Variants in ACOX1 observed in about 807,000 individuals in gnomAD.
ACOX1 encodes the protein acyl-CoA oxidase 1.
In ACOX1, 41 loss-of-function variants were observed where a neutral mutation model predicts 75.5. The ratio of observed to expected loss-of-function variants is 0.54; its 90% CI spans 0.42 to 0.70. The LOEUF (loss-of-function observed/expected upper bound fraction) is 0.70, where lower values mean the gene tolerates loss of function less well. ACOX1 is among the 30% of genes least tolerant of loss of function. The pLI, the probability that ACOX1 is intolerant of heterozygous loss-of-function variation, is 0.00. For missense variants in ACOX1, 630 were observed against 837.5 expected, an observed-to-expected ratio of 0.75 and a Z score of 3.06; for synonymous variants, 303 against 298.8, an observed-to-expected ratio of 1.01 and a Z score of -0.15.
At chr17:75,956,958 T>C (rs2065834362) in intron 4 of ACOX1, among the ~76,000 whole-genome samples, 1 of 27,622 alleles carries the variant, frequency 3.6e-5, no homozygotes, top group Non-Finnish European at 5.5e-5. Flanking sequence ...TCTCTCTCTC[T>C]CTCTCTCTCT....
chr17:75,958,709 G>A (rs897901834), intron 3 of ACOX1, among the ~76,000 whole-genome samples: 5 of 151,602 alleles, frequency 3.3e-5, no homozygotes, highest in Non-Finnish European at 5.9e-5. Context: ...TCGGGAGGCT[G>A]AGGCAGGAGA....
Position 75,953,438 on chromosome 17 carries a change from A to AC in ACOX1, c.944+12dup, listed in dbSNP as rs781074728. On this transcript the variant is annotated intron_variant, in intron 7 of 13. Coordinates refer to ENST00000293217, the MANE Select transcript of ACOX1 (RefSeq NM_004035.7). ...GCCTTTGGTACTGAGCCCATCTAGG[A>AC]CCCTATCCTTACCCTGGCTTGATTT... 1 of 1,613,216 alleles carries AC rather than the reference A, an allele frequency of 6.2e-7. No homozygotes were observed. The highest frequency in any genetic ancestry group is 1.7e-5 in the Admixed American group (1 of 59,962).
At chr17:75,976,641 C>T (rs1487913671) in intron 2 of ACOX1, among the ~76,000 whole-genome samples, 1 of 152,004 alleles carries the variant, frequency 6.6e-6, no homozygotes, top group Non-Finnish European at 1.5e-5. Context: ...AAAATTTTTT[C>T]GTTTAAAACT....
Position 75,979,161 on chromosome 17 carries a change from G to A in ACOX1, c.-88C>T. Reference sequence around the variant, plus strand: ...CAGCTCCAGCGCCGGCCGGACCCTAGGAGGCAGCCTCAGGACGGCGCAAGT... The same window carrying A: ...CAGCTCCAGCGCCGGCCGGACCCTAAGAGGCAGCCTCAGGACGGCGCAAGT... On this transcript the variant is annotated 5_prime_UTR_variant, in exon 1 of 14. Transcript: ENST00000293217. 1.3e-6 allele frequency: 2 copies of A among 1,538,742 alleles called. No individual in the cohort carries two copies. Among genetic ancestry groups the A allele is most frequent in the African/African-American group, 2.7e-5 (2 of 73,298 alleles).
rs369533136 is a variant in ACOX1, at chr17:75,949,743, C to T, written c.1453G>A (p.Glu485Lys). ...VDINSPESLT[E>K]AYKLRAARLV... is the part of the protein sequence containing the mutation. The stretch of plus-strand genomic sequence containing the variant: ...CTGGCTGCACGGAGTTTATATGCTT[C>T]GGTTAGGCTTTCGGGGCTGTTGATA... The change falls in exon 10 of 14, where the codon GAA becomes AAA. Residue 485 changes from glutamate to lysine, a missense_variant. By Grantham distance (56) the Glu-to-Lys change is moderately conservative (BLOSUM62 1). Transcript: ENST00000293217. The T allele has an allele frequency of 2.8e-5, 45 of 1,614,024 alleles. No homozygotes were observed. The highest frequency in any genetic ancestry group is 3.3e-4 in the Middle Eastern group (2 of 6,084).
At chr17:75,961,266 C>T (rs1249814690) in intron 2 of ACOX1, among the ~76,000 whole-genome samples, 1 of 147,788 alleles carries the variant, frequency 6.8e-6, no homozygotes, top group Non-Finnish European at 1.5e-5. Context: ...GCATTCTAGC[C>T]TGGGCGACAC....
At chr17:75,949,148 C>A (rs2065749819) in intron 12 of ACOX1, 69 bp downstream of exon 12, 1 of 1,587,744 alleles carries the variant, frequency 6.3e-7, no homozygotes, top group African/African-American at 1.3e-5. Context: ...GCATGAGCCA[C>A]CGTGCCCAGC....
chr17:75,955,937 A>C lies in ACOX1; in HGVS notation c.549T>G (p.Thr183=). The C allele has an allele frequency of 6.2e-7, 1 of 1,610,834 alleles. No homozygotes were observed. The highest frequency in any genetic ancestry group is 8.5e-7 in the Non-Finnish European group (1 of 1,177,538). Residue 183 remains threonine (T), a synonymous_variant, in exon 5 of 14, where the codon ACT becomes ACG. Transcript: ENST00000293217. ...IKWWPGGLGK[T]SNHAIVLAQL... ...GGGCAAGAACTATTGCATGATTTGA[A>C]GTCTTTCCAACTGTAATATCAAAGA...
rs565941771 is a variant in ACOX1 at position 75,953,430 on chromosome 17, C to A, written c.944+21G>T. 16 of 1,612,516 alleles carry A rather than the reference C, an allele frequency of 9.9e-6. No individual in the cohort carries two copies. The Admixed American group carries it at 2.3e-4, about 24-fold the overall frequency. ...AAAACTAGGCCTTTGGTACTGAGCC[C>A]ATCTAGGACCCTATCCTTACCCTGG... On this transcript the variant is annotated intron_variant, in intron 7 of 13. Transcript: ENST00000293217.
At chr17:75,976,716 CA>C (rs1172143437) in intron 2 of ACOX1, among the ~76,000 whole-genome samples, 2 of 152,074 alleles carry the variant, frequency 1.3e-5, no homozygotes, top group Non-Finnish European at 2.9e-5. Context: ...AAAAATAACC[CA>C]AGTCAAGCTG....
rs1410677049 is a variant in ACOX1 at position 75,941,947 on chromosome 17, A to G, written c.*4801T>C. 1 of 152,192 alleles carries G rather than the reference A, an allele frequency of 6.6e-6. No homozygotes were observed. The highest frequency in any genetic ancestry group is 1.5e-5 in the Non-Finnish European group (1 of 68,032). 9.4% of individuals were successfully genotyped at this position (152,192 alleles called of 1,614,324 possible). A position where few individuals can be genotyped will look rare whatever the true frequency, so the allele number is the denominator to read the frequency against. ...TGGTTCAGAATTCTAAAAAATCCCG[A>G]ATTTTCCATGATCTTCCCAAGACAA... is the stretch of plus-strand genomic sequence containing the variant. On this transcript the variant is annotated 3_prime_UTR_variant, in exon 14 of 14. Transcript: ENST00000293217.
In ACOX1 at chr17:75,979,019, G is replaced by A. The variant is rs1295707240; in HGVS notation, c.55C>T (p.Leu19Phe). 6.2e-7 allele frequency: 1 copy of A among 1,612,364 alleles called. No homozygotes were observed. Among genetic ancestry groups the A allele is most frequent in the Non-Finnish European group, 8.5e-7 (1 of 1,180,012 alleles). The change falls in exon 1 of 14, where the codon CTT (leucine) becomes TTT (phenylalanine). Residue 19 changes from leucine to phenylalanine, a missense_variant. By Grantham distance (22) the Leu-to-Phe change is conservative (BLOSUM62 0). This residue lies in a region of ACOX1 where 390 missense variants were observed against 574.9 expected (regional missense o/e 0.68). Transcript: ENST00000293217. ...GGGCTGCCGTCCAGGATGTGTGTAA[G>A]CAGCTCCGGGTTGAAGCTGGCGGAA... ...RDSASFNPEL[L>F]THILDGSPEK...
rs556943868 is a variant in ACOX1, at chr17:75,943,691, T to C, written c.*3057A>G. ...GATAAGCTGATACTTAGTAGTGATA[T>C]GTTCTAAAGACAAGAACATGAGGGC... On this transcript the variant is annotated 3_prime_UTR_variant, in exon 14 of 14. Coordinates refer to ENST00000293217, the MANE Select transcript of ACOX1 (RefSeq NM_004035.7). 1 of 152,366 alleles carries C rather than the reference T, an allele frequency of 6.6e-6. No homozygotes were observed. The highest frequency in any genetic ancestry group is 1.9e-4 in the East Asian group (1 of 5,190). The allele number at this position is 152,366 out of a possible 1,614,324, so 9.4% of individuals were successfully genotyped here.
chr17:75,960,914 G>C lies in ACOX1; in HGVS notation c.270-539C>G, dbSNP rs1192538349. 6.6e-6 allele frequency among the ~76,000 whole-genome samples: 1 copy of C among 152,168 alleles called. No homozygotes were observed. Among genetic ancestry groups the C allele is most frequent in the Non-Finnish European group, 1.5e-5 (1 of 68,032 alleles). ...AATCGCTTGAACCTAGGAGGCGGAG[G>C]TTGCAGTGAGCCGAGATCATGCCCA... is the stretch of plus-strand genomic sequence containing the variant. On this transcript the variant is annotated intron_variant, in intron 2 of 13. Coordinates refer to ENST00000293217, the MANE Select transcript of ACOX1 (RefSeq NM_004035.7). This position sits in a 1 kb window ranked among gnomAD's most constrained non-coding sequence, Gnocchi z 4.4.
chr17:75,971,234 G>A (rs897560339), intron 2 of ACOX1, among the ~76,000 whole-genome samples: 1 of 150,860 alleles, frequency 6.6e-6, no homozygotes, highest in Non-Finnish European at 1.5e-5. Context: ...GAGGTTGCGG[G>A]GAGCCGAGAT....
chr17:75,959,516 A>T (rs1202482936), intron 3 of ACOX1, among the ~76,000 whole-genome samples: 1 of 152,208 alleles, frequency 6.6e-6, no homozygotes, highest in African/African-American at 2.4e-5. Context: ...CCATAAGCAA[A>T]TGAATGGCAA....
At position 75,955,932 on chromosome 17, in the gene ACOX1, T is replaced by C; in HGVS notation, c.554A>G (p.Asn185Ser). The C allele has an allele frequency of 6.2e-7, 1 of 1,614,182 alleles. No homozygotes were observed. The highest frequency in any genetic ancestry group is 1.3e-5 in the African/African-American group (1 of 75,054). The change falls in exon 5 of 14, where the codon AAT becomes AGT. Residue 185 changes from asparagine (N) to serine (S), a missense_variant. Asn to Ser is a conservative substitution (Grantham distance 46). Transcript: ENST00000293217. ...WWPGGLGKTS[N>S]HAIVLAQLIT... ...GAGCTGGGCAAGAACTATTGCATGA[T>C]TTGAAGTCTTTCCAACTGTAATATC... is the stretch of plus-strand genomic sequence containing the variant.
chr17:75,969,228 G>A (rs541221561), intron 2 of ACOX1, among the ~76,000 whole-genome samples: 5 of 152,230 alleles, frequency 3.3e-5, no homozygotes, highest in East Asian at 1.9e-4. Context: ...GCGCAATGGC[G>A]CAATCTCAGC....
intron 2 of ACOX1, among the ~76,000 whole-genome samples, chr17:75,968,107 C>A (rs1160410844): frequency 4.6e-5 from 7 of 151,452 alleles, no homozygotes; most frequent in African/African-American, 1.5e-4. Flanking sequence ...TCCAGGCTTA[C>A]TAGTAATGGG....
Sources: allele counts gnomAD v4.1 joint callset (sites outside exome capture counted in the v4.1 genomes callset), GRCh38; gene constraint gnomAD v4.1.1; regional missense constraint gnomAD v4.1.1; non-coding constraint Gnocchi (gnomAD v3.1); transcripts MANE v1.5; gene names NCBI Gene and HGNC (gene_info 2026-07-23, HGNC 2026-07-21).